ITSN2: variants seen among roughly 807,000 people sequenced by gnomAD.
The protein encoded by ITSN2 is intersectin-2.
Under a neutral mutation model 243.7 loss-of-function variants are expected in ITSN2, and 156 were observed. That is an observed-to-expected ratio of 0.64 (90% CI 0.56 to 0.73). The LOEUF is 0.73. Among genes scored for constraint, ITSN2 ranks in the 30% least tolerant of loss-of-function variants. The pLI is 0.00. For missense variants in ITSN2, 1,801 were observed against 1,996.1 expected (o/e 0.90, Z 1.86); for synonymous variants, 703 against 699.9 (o/e 1.00, Z -0.07).
At chr2:24,218,511 T>C (rs1670166774) in intron 30 of ITSN2, among the ~76,000 whole-genome samples, 1 of 152,200 alleles carries the variant, frequency 6.6e-6, no homozygotes. Flanking sequence ...GAAATAGTAA[T>C]ACTCTACATC....
At chr2:24,291,601 T>C (rs1680265708) in intron 15 of ITSN2, among the ~76,000 whole-genome samples, 1 of 151,386 alleles carries the variant, frequency 6.6e-6, no homozygotes, top group Non-Finnish European at 1.5e-5. Flanking sequence ...GTGATTCTCC[T>C]GCCTCAGCCT....
Position 24,204,208 on chromosome 2 carries a change from G to T in ITSN2, c.4936+37C>A, listed in dbSNP as rs765790232. 1 of 1,608,724 alleles carries T rather than the reference G, an allele frequency of 6.2e-7. No individual in the cohort carries two copies. The highest frequency in any genetic ancestry group is 1.1e-5 in the South Asian group (1 of 90,820). On this transcript the variant is annotated intron_variant, in intron 39 of 39. Coordinates refer to ENST00000355123, the MANE Select transcript of ITSN2 (RefSeq NM_006277.3). The surrounding 1 kb of genome is among the most constrained non-coding windows in gnomAD (Gnocchi z 5.1). The stretch of plus-strand genomic sequence containing the variant: ...CTGGACTCCAGGATCTAGGAAACTG[G>T]GAAAGCCTTTAGATCCCCTGGCTGA...
intron 1 of ITSN2, among the ~76,000 whole-genome samples, chr2:24,344,619 C>G (rs1458135835): frequency 6.6e-6 from 1 of 152,152 alleles, no homozygotes; most frequent in East Asian, 1.9e-4. Flanking sequence ...ACACAAACTA[C>G]ATAATGTAAT....
chr2:24,209,058 T>C, intron 36 of ITSN2, 42 bp downstream of exon 36: 1 of 1,607,810 alleles, frequency 6.2e-7, no homozygotes, highest in South Asian at 1.1e-5. Flanking sequence ...GTCCAGGCCT[T>C]CTCCCAGAGT....
chr2:24,333,398 C>T (rs1685999734), intron 1 of ITSN2, among the ~76,000 whole-genome samples: 1 of 152,202 alleles, frequency 6.6e-6, no homozygotes, highest in African/African-American at 2.4e-5. Context: ...GGGTAACCAG[C>T]ATCTCCCCAG....
chr2:24,337,348 ATATATG>A (rs1191958141), intron 1 of ITSN2, among the ~76,000 whole-genome samples: 6 of 123,188 alleles, frequency 4.9e-5, no homozygotes, highest in African/African-American at 1.8e-4. Flanking sequence ...ATATATATAT[ATATATG>A]TAATTTTTTT....
intron 37 of ITSN2, chr2:24,206,352 C>T: frequency 2.7e-6 from 1 of 364,596 alleles, no homozygotes; most frequent in African/African-American, 2.2e-5. Context: ...GGAGGGCAGG[C>T]TGCATGGGGG....
intron 1 of ITSN2, among the ~76,000 whole-genome samples, chr2:24,350,169 C>T (rs1045394558): frequency 7.2e-5 from 11 of 151,934 alleles, no homozygotes; most frequent in South Asian, 4.2e-4. Context: ...TAACAATAGC[C>T]CCTGAGAACT....
intron 36 of ITSN2, 30 bp downstream of exon 36, chr2:24,209,070 C>G: frequency 1.9e-6 from 3 of 1,611,392 alleles, no homozygotes; most frequent in Admixed American, 1.7e-5. Context: ...TCCCAGAGTT[C>G]AAGGCAGGCC....
intron 11 of ITSN2, among the ~76,000 whole-genome samples, chr2:24,300,889 C>T (rs1315918195): frequency 1.3e-5 from 2 of 152,112 alleles, no homozygotes; most frequent in African/African-American, 2.4e-5. Context: ...CCTCTAATAA[C>T]TCAGCCTAAA....
intron 39 of ITSN2, 76 bp from the exon 40 acceptor site, chr2:24,203,859 G>A: frequency 6.9e-7 from 1 of 1,448,096 alleles, no homozygotes; most frequent in Admixed American, 2.1e-5. Flanking sequence ...CGGAAGAAGT[G>A]GATTCATAAA....
At chr2:24,210,683 G>A (rs1669392794) in intron 34 of ITSN2, 97 bp downstream of exon 34, 4 of 1,141,880 alleles carry the variant, frequency 3.5e-6, no homozygotes, top group South Asian at 1.5e-5. Context: ...CACGCAGGCT[G>A]CCTAAGGTGC....
intron 15 of ITSN2, among the ~76,000 whole-genome samples, chr2:24,286,654 A>G (rs191561738): frequency 6.6e-6 from 1 of 152,320 alleles, no homozygotes; most frequent in African/African-American, 2.4e-5. Context: ...TTTCATCTAT[A>G]CAATGAGCAT....
At chr2:24,263,425 T>C (rs1156280986) in intron 20 of ITSN2, among the ~76,000 whole-genome samples, 1 of 152,192 alleles carries the variant, frequency 6.6e-6, no homozygotes, top group African/African-American at 2.4e-5. Context: ...TTCTCAGATA[T>C]CATTAATATA....
intron 31 of ITSN2, 80 bp from the exon 32 acceptor site, chr2:24,216,312 T>C (rs1304926237): frequency 3.0e-5 from 35 of 1,161,184 alleles, no homozygotes; most frequent in Non-Finnish European, 1.2e-6. Flanking sequence ...GGCAGACCAA[T>C]GGTAATGATA....
In ITSN2 at chr2:24,216,251, C is replaced by T; in HGVS notation, c.3807-19G>A. The T allele has an allele frequency of 6.5e-7, 1 of 1,549,906 alleles. No individual in the cohort carries two copies. The highest frequency in any genetic ancestry group is 8.7e-7 in the Non-Finnish European group (1 of 1,145,606). The stretch of plus-strand genomic sequence containing the variant: ...CAAAGCCCTGCCAAGAACACACTCT[C>T]ATTTTGTGTTTCTAAGTGAATGACT... On this transcript the variant is annotated intron_variant, in intron 31 of 39. Coordinates refer to ENST00000355123, the MANE Select transcript of ITSN2 (RefSeq NM_006277.3).
intron 1 of ITSN2, among the ~76,000 whole-genome samples, chr2:24,337,476 A>G (rs1338931235): frequency 6.8e-6 from 1 of 147,346 alleles, no homozygotes; most frequent in East Asian, 2.0e-4. Flanking sequence ...TCAGCCTCCC[A>G]AGTAGCTGGG....
rs746628655 is a variant in ITSN2 at position 24,275,705 on chromosome 2, T to C, written c.2081+8A>G. The C allele has an allele frequency of 1.2e-6, 2 of 1,601,346 alleles. No individual in the cohort carries two copies. The highest frequency in any genetic ancestry group is 1.7e-5 in the Admixed American group (1 of 59,390). On this transcript the variant is annotated splice_region_variant and intron_variant, in intron 18 of 39. Coordinates refer to ENST00000355123, the MANE Select transcript of ITSN2 (RefSeq NM_006277.3). Reference sequence around the variant, plus strand: ...AATATAGCACAATAAATATATCAGCTATATTACCTTGCAGCCTCATCTTCT... The same window carrying C: ...AATATAGCACAATAAATATATCAGCCATATTACCTTGCAGCCTCATCTTCT...
chr2:24,280,378 G>C (rs368091270), intron 17 of ITSN2, among the ~76,000 whole-genome samples: 2 of 151,928 alleles, frequency 1.3e-5, no homozygotes, highest in East Asian at 3.9e-4. Context: ...CTTATCACCT[G>C]AATTCTTATC....
Sources: allele counts gnomAD v4.1 joint callset (sites outside exome capture counted in the v4.1 genomes callset), GRCh38; gene constraint gnomAD v4.1.1; non-coding constraint Gnocchi (gnomAD v3.1); transcripts MANE v1.5; gene names NCBI Gene and HGNC (gene_info 2026-07-23, HGNC 2026-07-21).